The following IGF1 variants were observed in gnomAD, a reference collection of about 807,000 sequenced individuals.
The protein encoded by IGF1 is insulin like growth factor 1.
IGF1 carries 4 observed loss-of-function variants against 13.8 expected under a neutral mutation model. That is an observed-to-expected ratio of 0.29 (90% CI 0.14 to 0.66). The LOEUF is 0.66. Among genes scored for constraint, IGF1 ranks in the 30% least tolerant of loss-of-function variants. IGF1 has a pLI of 0.78. For synonymous variants in IGF1, 76 were observed against 72.6 expected, an observed-to-expected ratio of 1.05 and a Z score of -0.23; for missense variants, 124 against 188.5, an observed-to-expected ratio of 0.66 and a Z score of 2.00.
chr12:102,428,627 G>T (rs1876448940), intron 2 of IGF1, among the ~76,000 whole-genome samples: 1 of 152,206 alleles, frequency 6.6e-6, no homozygotes, highest in African/African-American at 2.4e-5. Flanking sequence ...ATTAGTATGA[G>T]AAGAGTCTTT....
intron 2 of IGF1, among the ~76,000 whole-genome samples, chr12:102,441,811 A>T (rs1474565673): frequency 6.6e-6 from 1 of 152,062 alleles, no homozygotes; most frequent in Non-Finnish European, 1.5e-5. Flanking sequence ...GCCATAGAAA[A>T]GTTTATTTAT....
At chr12:102,459,349 A>T (rs927300687) in intron 2 of IGF1, among the ~76,000 whole-genome samples, 1 of 152,150 alleles carries the variant, frequency 6.6e-6, no homozygotes, top group South Asian at 2.1e-4. Flanking sequence ...CTTTGGAAAG[A>T]TTAATCTCAT....
rs186816792 is a variant in IGF1, at chr12:102,411,470, G to A, written c.402+8039C>T. Reference sequence around the variant, plus strand: ...TTGACCTCTTGGTGCTGGCTAGACAGAAAGCCCCAAGTGAATGTTTATACA... The same window carrying A: ...TTGACCTCTTGGTGCTGGCTAGACAAAAAGCCCCAAGTGAATGTTTATACA... On this transcript the variant is annotated intron_variant, in intron 3 of 3. Coordinates refer to ENST00000337514, the MANE Select transcript of IGF1 (RefSeq NM_000618.5). 4.6e-5 allele frequency among the ~76,000 whole-genome samples: 7 copies of A among 152,334 alleles called. No homozygotes were observed. The East Asian group carries it at 1.3e-3, about 29-fold the overall frequency.
At chr12:102,441,964 T>TCTTCTTCTTCTTCTTCTTC (rs1877896991) in intron 2 of IGF1, among the ~76,000 whole-genome samples, 1 of 13,942 alleles carries the variant, frequency 7.2e-5, no homozygotes, top group African/African-American at 2.2e-4. Flanking sequence ...TCTTTTTTTT[T>TCTTCTTCTTCTTCTTCTTC]TTTGAGACAG....
intron 2 of IGF1, among the ~76,000 whole-genome samples, chr12:102,459,820 GT>G (rs1879753194): frequency 6.6e-6 from 1 of 152,124 alleles, no homozygotes; most frequent in Non-Finnish European, 1.5e-5. Context: ...GGGCTATACA[GT>G]TCTATAAAGA....
At position 102,408,955 on chromosome 12, in the gene IGF1, ATTTAACACC is replaced by A. The variant is rs553614221; in HGVS notation, c.403-6398_403-6390del. On this transcript the variant is annotated intron_variant, in intron 3 of 3. Transcript: ENST00000337514. ...ATTCCCCCTAATAAAACCCCTGCTC[ATTTAACACC>A]TTCTCATCTTCTGTTTCTTGGAGGA... Among the ~76,000 whole-genome samples the A allele has an allele frequency of 3.0e-3, 457 of 152,232 alleles. 4 individuals carry two copies. The highest frequency in any genetic ancestry group is 0.01 in the African/African-American group (425 of 41,538).
intron 3 of IGF1, chr12:102,417,618 G>A: frequency 7.5e-7 from 1 of 1,337,970 alleles, no homozygotes; most frequent in Non-Finnish European, 9.5e-7. Context: ...GCTTTCTAGG[G>A]CATTACATTT....
chr12:102,404,442 G>A (rs1873960030), intron 3 of IGF1, among the ~76,000 whole-genome samples: 1 of 152,198 alleles, frequency 6.6e-6, no homozygotes, highest in Non-Finnish European at 1.5e-5. Context: ...CTTGGAACAT[G>A]AGAGTTATCA....
At chr12:102,456,488 C>T (rs1879414615) in intron 2 of IGF1, among the ~76,000 whole-genome samples, 1 of 152,022 alleles carries the variant, frequency 6.6e-6, no homozygotes, top group Non-Finnish European at 1.5e-5. Flanking sequence ...TTTCAGCTAG[C>T]ATTAATCTTC....
chr12:102,474,632 G>A (rs1880898793), intron 2 of IGF1, among the ~76,000 whole-genome samples: 1 of 152,182 alleles, frequency 6.6e-6, no homozygotes, highest in Non-Finnish European at 1.5e-5. Flanking sequence ...AGCATAGTGG[G>A]TAACTGAGGT....
chr12:102,402,240 A>G lies in IGF1; in HGVS notation c.*267T>C, dbSNP rs2136939278. ...GGCAGGGACTAAGATATATATATATATATATTTTTTTTTTCTTTTCTATAG... is the reference window on the plus strand; with the variant it reads ...GGCAGGGACTAAGATATATATATATGTATATTTTTTTTTTCTTTTCTATAG... On this transcript the variant is annotated 3_prime_UTR_variant, in exon 4 of 4. Transcript: ENST00000337514. 1 of 252,436 alleles carries G rather than the reference A, an allele frequency of 4.0e-6. No homozygotes were observed. Among genetic ancestry groups the G allele is most frequent in the South Asian group, 6.2e-5 (1 of 16,184 alleles). The allele number at this position is 252,436 out of a possible 1,614,324, so 15.6% of individuals were successfully genotyped here. A position where few individuals can be genotyped will look rare whatever the true frequency, so the allele number is the denominator to read the frequency against.
intron 2 of IGF1, among the ~76,000 whole-genome samples, chr12:102,464,272 G>T (rs1459608801): frequency 1.3e-5 from 2 of 151,234 alleles, no homozygotes; most frequent in African/African-American, 2.4e-5. Context: ...CAGTGGTGAA[G>T]GGGTCCTAAG....
chr12:102,402,320 A>G lies in IGF1; in HGVS notation c.*187T>C. 1.6e-6 allele frequency: 1 copy of G among 621,982 alleles called. No individual in the cohort carries two copies. 38.5% of individuals were successfully genotyped at this position (621,982 alleles called of 1,614,324 possible). On this transcript the variant is annotated 3_prime_UTR_variant, in exon 4 of 4. Transcript: ENST00000337514. ...CTACCAACTCCAGGACCATTTTTGC[A>G]AGGTGCAAATCACTCCTAAAGACAA...
rs183172689 is a variant in IGF1 at position 102,396,207 on chromosome 12, A to G, written c.*6300T>C. 6.6e-6 allele frequency: 1 copy of G among 152,252 alleles called. No individual in the cohort carries two copies. The highest frequency in any genetic ancestry group is 1.5e-5 in the Non-Finnish European group (1 of 68,044). 9.4% of individuals were successfully genotyped at this position (152,252 alleles called of 1,614,324 possible). On this transcript the variant is annotated 3_prime_UTR_variant, in exon 4 of 4. Transcript: ENST00000337514. The stretch of plus-strand genomic sequence containing the variant: ...TAAGTTTATTTATCACACTTGGCCT[A>G]TAAGTGTGATAAAAATACATGAGGC...
chr12:102,445,479 A>G (rs1202871665), intron 2 of IGF1, among the ~76,000 whole-genome samples: 1 of 151,988 alleles, frequency 6.6e-6, no homozygotes, highest in East Asian at 1.9e-4. Flanking sequence ...ATTCCTAGGT[A>G]TTTTATTCTC....
At chr12:102,448,844 T>A (rs1363469916) in intron 2 of IGF1, among the ~76,000 whole-genome samples, 1 of 151,792 alleles carries the variant, frequency 6.6e-6, no homozygotes, top group African/African-American at 2.4e-5. Context: ...AAAACCACAA[T>A]GAGATACCAT....
In IGF1 at chr12:102,405,864, A is replaced by G. The variant is rs144869325; in HGVS notation, c.403-3298T>C. On this transcript the variant is annotated intron_variant, in intron 3 of 3. Coordinates refer to ENST00000337514, the MANE Select transcript of IGF1 (RefSeq NM_000618.5). The stretch of plus-strand genomic sequence containing the variant: ...CTTTAAATTAGCGGGGGGCTATAGC[A>G]AAAAGAATTGAGGTTAGATTGACCA... Among the ~76,000 whole-genome samples the G allele has an allele frequency of 2.3e-3, 346 of 152,382 alleles. 3 individuals are homozygous for G. Among genetic ancestry groups the G allele is most frequent in the African/African-American group, 7.8e-3 (326 of 41,596 alleles).
At chr12:102,472,783 T>G (rs985692131) in intron 2 of IGF1, among the ~76,000 whole-genome samples, 3 of 152,122 alleles carry the variant, frequency 2.0e-5, no homozygotes, top group Non-Finnish European at 4.4e-5. Context: ...TTGATGCCTG[T>G]AGGAATAATT....
Position 102,415,319 on chromosome 12 carries a change from A to G in IGF1, c.402+4190T>C, listed in dbSNP as rs187819483. On this transcript the variant is annotated intron_variant, in intron 3 of 3. Coordinates refer to ENST00000337514, the MANE Select transcript of IGF1 (RefSeq NM_000618.5). ...ATCCATCCATCCAACATTATATGCC[A>G]TGTATCACTAGAGGCTTGGGTATTG... 2.2e-3 allele frequency among the ~76,000 whole-genome samples: 333 copies of G among 152,124 alleles called. 4 individuals carry two copies. The highest frequency in any genetic ancestry group is 7.4e-3 in the African/African-American group (309 of 41,482).
Sources: allele counts gnomAD v4.1 joint callset (sites outside exome capture counted in the v4.1 genomes callset), GRCh38; gene constraint gnomAD v4.1.1; transcripts MANE v1.5; gene names NCBI Gene and HGNC (gene_info 2026-07-23, HGNC 2026-07-21).